Variants in SUZ12 observed in about 807,000 individuals in gnomAD.
The protein encoded by SUZ12 is polycomb protein SUZ12.
SUZ12 carries 17 observed loss-of-function variants against 87.3 expected under a neutral mutation model. That is an observed-to-expected ratio of 0.19 (90% CI 0.13 to 0.29). The LOEUF is 0.29. Ranked by LOEUF, SUZ12 falls within the 10% of genes least tolerant of loss-of-function variation. The pLI, the probability that SUZ12 is intolerant of heterozygous loss-of-function variation, is 1.00. For synonymous variants in SUZ12, 253 were observed against 312.4 expected, an observed-to-expected ratio of 0.81 and a Z score of 2.01; for missense variants, 526 against 912.2, an observed-to-expected ratio of 0.58 and a Z score of 5.45.
chr17:31,968,130 A>G (rs938067782), intron 5 of SUZ12, among the ~76,000 whole-genome samples: 16 of 152,158 alleles, frequency 1.1e-4, no homozygotes, highest in African/African-American at 3.6e-4. Context: ...AGATCACACC[A>G]CTGTACTCCA....
chr17:31,955,223 C>T (rs1266407380), intron 4 of SUZ12, among the ~76,000 whole-genome samples: 1 of 152,128 alleles, frequency 6.6e-6, no homozygotes, highest in African/African-American at 2.4e-5. Flanking sequence ...CTGCCTTAGC[C>T]TCCTGAGTAG....
At chr17:31,975,060 ATT>A (rs1908664512) in intron 6 of SUZ12, among the ~76,000 whole-genome samples, 1 of 152,094 alleles carries the variant, frequency 6.6e-6, no homozygotes, top group Non-Finnish European at 1.5e-5. Flanking sequence ...TAATGGTCCT[ATT>A]AGTCACTGTC....
intron 4 of SUZ12, among the ~76,000 whole-genome samples, chr17:31,948,971 TA>T (rs1906790208): frequency 6.6e-6 from 1 of 152,158 alleles, no homozygotes; most frequent in South Asian, 2.1e-4. Flanking sequence ...CTTTTTTACT[TA>T]AAATACAGAC....
intron 4 of SUZ12, among the ~76,000 whole-genome samples, chr17:31,954,644 A>G (rs1252917257): frequency 1.3e-5 from 2 of 152,086 alleles, no homozygotes; most frequent in African/African-American, 2.4e-5. Context: ...AGAAAAGCAT[A>G]AGAAAACTGT....
intron 4 of SUZ12, among the ~76,000 whole-genome samples, chr17:31,948,333 T>C (rs1233450182): frequency 6.6e-6 from 1 of 152,210 alleles, no homozygotes; most frequent in Non-Finnish European, 1.5e-5. Flanking sequence ...ACGTAAACTT[T>C]ATTTTTTGAT....
intron 8 of SUZ12, among the ~76,000 whole-genome samples, chr17:31,977,520 C>T (rs1908830163): frequency 1.3e-5 from 2 of 152,000 alleles, no homozygotes; most frequent in African/African-American, 2.4e-5. Flanking sequence ...TCTCGTGATC[C>T]GCCTGCCTTG....
At chr17:31,966,229 T>G (rs1285589914) in intron 5 of SUZ12, 33 bp downstream of exon 5, 2 of 1,543,998 alleles carry the variant, frequency 1.3e-6, no homozygotes, top group South Asian at 1.2e-5. Context: ...AGTGGCATTT[T>G]AATAGCAAGA....
At chr17:31,970,998 A>G (rs536038209) in intron 5 of SUZ12, among the ~76,000 whole-genome samples, 1 of 152,330 alleles carries the variant, frequency 6.6e-6, no homozygotes, top group South Asian at 2.1e-4. Flanking sequence ...GGACTACTCT[A>G]GAACCTTAAT....
chr17:31,959,570 C>G (rs1035770873), intron 4 of SUZ12, among the ~76,000 whole-genome samples: 3 of 152,220 alleles, frequency 2.0e-5, no homozygotes, highest in Non-Finnish European at 4.4e-5. Context: ...TAGCTAACAT[C>G]TAACTATAGA....
At chr17:31,994,068 A>G (rs1909853377) in intron 12 of SUZ12, 60 bp downstream of exon 12, 47 of 1,523,480 alleles carry the variant, frequency 3.1e-5, no homozygotes, top group Non-Finnish European at 4.0e-5. Context: ...CCCCATAAAT[A>G]TATACATCTA....
chr17:31,964,807 T>C (rs1907992796), intron 4 of SUZ12, among the ~76,000 whole-genome samples: 1 of 152,032 alleles, frequency 6.6e-6, no homozygotes, highest in Non-Finnish European at 1.5e-5. Context: ...TTGCCTCTTA[T>C]TTCTCTATCT....
intron 3 of SUZ12, among the ~76,000 whole-genome samples, chr17:31,944,582 T>A (rs1025925719): frequency 2.2e-3 from 327 of 145,758 alleles, no homozygotes; most frequent in Non-Finnish European, 3.7e-3. Context: ...CCCTTTAGGT[T>A]AAAAAAAAAA....
At chr17:31,987,414 G>T (rs1909474126) in intron 9 of SUZ12, among the ~76,000 whole-genome samples, 1 of 152,144 alleles carries the variant, frequency 6.6e-6, no homozygotes, top group Non-Finnish European at 1.5e-5. Context: ...TCTTGAGGAT[G>T]GTTGAGTGAT....
At chr17:31,982,093 C>CAT (rs1361605433) in intron 8 of SUZ12, among the ~76,000 whole-genome samples, 1 of 152,160 alleles carries the variant, frequency 6.6e-6, no homozygotes. Context: ...TACATAGACA[C>CAT]ATATGTACAC....
intron 8 of SUZ12, among the ~76,000 whole-genome samples, chr17:31,980,174 AT>A (rs144679583): frequency 6.6e-6 from 1 of 151,516 alleles, no homozygotes; most frequent in Non-Finnish European, 1.5e-5. Flanking sequence ...GAAAAAAAAA[AT>A]TTTTTTAAAG....
chr17:31,955,950 C>T (rs1008508972), intron 4 of SUZ12, among the ~76,000 whole-genome samples: 7 of 151,674 alleles, frequency 4.6e-5, no homozygotes, highest in Non-Finnish European at 7.4e-5. Flanking sequence ...CTCGCTCTGT[C>T]GCCCAGGCTG....
At chr17:31,939,913 A>G (rs1216009988) in intron 1 of SUZ12, among the ~76,000 whole-genome samples, 2 of 152,212 alleles carry the variant, frequency 1.3e-5, no homozygotes, top group South Asian at 2.1e-4. Context: ...TGTTGACTCC[A>G]GCTGCCTATT....
At chr17:31,962,398 C>T (rs1358123471) in intron 4 of SUZ12, among the ~76,000 whole-genome samples, 12 of 152,262 alleles carry the variant, frequency 7.9e-5, no homozygotes, top group African/African-American at 2.9e-4. Context: ...TGAGACCAGC[C>T]TGGGTAACAT....
chr17:31,979,699 CAGTT>C (rs1370169621), intron 8 of SUZ12, among the ~76,000 whole-genome samples: 4 of 152,168 alleles, frequency 2.6e-5, no homozygotes, highest in Admixed American at 6.5e-5. Flanking sequence ...TTTGATCACT[CAGTT>C]AAGATGCTGT....
Sources: gnomAD v4.1 joint callset for allele counts (sites outside exome capture counted in the v4.1 genomes callset) on GRCh38, gnomAD v4.1.1 for gene constraint, MANE v1.5 for transcripts, NCBI Gene and HGNC (gene_info 2026-07-23, HGNC 2026-07-21) for gene names.